ZNF717: variants seen among roughly 807,000 people sequenced by gnomAD.
The protein encoded by ZNF717 is zinc finger protein 717.
Under a neutral mutation model 13.8 loss-of-function variants are expected in ZNF717, and 9 were observed. That is an observed-to-expected ratio of 0.65 (90% CI 0.39 to 1.14). The LOEUF (loss-of-function observed/expected upper bound fraction) is 1.14. Ranked by LOEUF, ZNF717 falls within the 50% of genes most tolerant of loss-of-function variation. ZNF717 has a pLI of 0.01. For synonymous variants in ZNF717, 327 were observed against 364.1 expected (o/e 0.90, Z 1.16); for missense variants, 1,040 against 1,080.7 (o/e 0.96, Z 0.53).
chr3:75,754,116 T>C (rs6778366), intron 2 of ZNF717, among the ~76,000 whole-genome samples: 109,623 of 146,084 alleles, frequency 0.75, 39,011 homozygotes, highest in African/African-American at 0.88. Flanking sequence ...CACCAAATGT[T>C]CTGGCACTTT....
chr3:75,737,651 G>T lies in ZNF717; in HGVS notation c.1972C>A (p.Arg658Ser), dbSNP rs77826574. Residue 658 changes from arginine (R) to serine (S), a missense_variant, in exon 5 of 5, where the codon CGC (arginine) becomes AGC (serine). Arg to Ser is a moderately radical substitution (Grantham distance 110). Transcript: ENST00000652011. ...VCNECGKTFH[R>S]KSFLTIHQRT... ...TGGTGTATGGTGAGGAATGACTTGC[G>T]ATGAAAGGTTTTTCCACATTCATTA... 2 of 1,541,432 alleles carry T rather than the reference G, an allele frequency of 1.3e-6. No homozygotes were observed. The highest frequency in any genetic ancestry group is 2.5e-5 in the East Asian group (1 of 40,180).
Position 75,739,180 on chromosome 3 carries a change from T to G in ZNF717, c.443A>C (p.Asn148Thr). The change falls in exon 5 of 5, where the codon AAT becomes ACT. Residue 148 changes from asparagine (N) to threonine (T), a missense_variant. Asn to Thr is a moderately conservative substitution (Grantham distance 65). This residue lies in a region of ZNF717 where 123 missense variants were observed against 177.8 expected (regional missense o/e 0.69). Coordinates refer to ENST00000652011, the MANE Select transcript of ZNF717 (RefSeq NM_001290208.3). ...SNHVLNLIIN[N>T]GNSSGMKPGQ... The stretch of plus-strand genomic sequence containing the variant: ...AGGCTTCATTCCTGAACTGTTTCCA[T>G]TATTTATAATCAGATTTAAAACATG... The G allele has an allele frequency of 6.4e-7, 1 of 1,551,232 alleles. No individual in the cohort carries two copies.
chr3:75,743,263 A>ATACTG (rs1940706748), intron 2 of ZNF717, among the ~76,000 whole-genome samples: 1 of 152,238 alleles, frequency 6.6e-6, no homozygotes, highest in Admixed American at 6.5e-5. Context: ...AATGGCTGTT[A>ATACTG]TACTGTACTG....
intron 2 of ZNF717, among the ~76,000 whole-genome samples, chr3:75,756,676 TTTTTTC>T (rs1942513098): frequency 6.6e-6 from 1 of 152,068 alleles, no homozygotes; most frequent in Non-Finnish European, 1.5e-5. Context: ...TTTTCTTTTT[TTTTTTC>T]TGTTTTTTTG....
intron 2 of ZNF717, among the ~76,000 whole-genome samples, chr3:75,759,484 C>G (rs937618958): frequency 3.3e-4 from 50 of 152,278 alleles, no homozygotes; most frequent in African/African-American, 1.2e-3. Flanking sequence ...ACTGTGTTAG[C>G]CCGGATGGTC....
At chr3:75,732,232 T>C (rs1424432927), downstream of ZNF717, 12 of 666,942 alleles carry the variant, frequency 1.8e-5, no homozygotes, top group African/African-American at 2.0e-4. Context: ...TGCTCTCATA[T>C]AACCAGATCC....
intron 6 of ZNF717, among the ~76,000 whole-genome samples, chr3:75,699,495 A>C (rs1368606779): frequency 6.6e-6 from 1 of 152,306 alleles, no homozygotes; most frequent in Non-Finnish European, 1.5e-5. Context: ...CTTTGGTGCC[A>C]TTCCCACAAT....
chr3:75,772,798 G>T (rs76043795), intron 2 of ZNF717, among the ~76,000 whole-genome samples: 7 of 132,676 alleles, frequency 5.3e-5, no homozygotes, highest in Non-Finnish European at 1.0e-4. Flanking sequence ...GGTAAAGGCG[G>T]CACCAGCCAG....
chr3:75,705,104 T>C (rs1247630455), downstream of ZNF717, among the ~76,000 whole-genome samples: 1 of 151,414 alleles, frequency 6.6e-6, no homozygotes, highest in Non-Finnish European at 1.5e-5. Context: ...CATAAGGTCA[T>C]CTTTGATGAG....
chr3:75,740,881 T>C (rs1187663054), intron 4 of ZNF717, among the ~76,000 whole-genome samples: 1 of 152,100 alleles, frequency 6.6e-6, no homozygotes, highest in African/African-American at 2.4e-5. Flanking sequence ...AGAAACACCA[T>C]TTTCATCATC....
At chr3:75,772,249 C>A in intron 2 of ZNF717, among the ~76,000 whole-genome samples, 1 of 152,258 alleles carries the variant, frequency 6.6e-6, no homozygotes, top group Non-Finnish European at 1.5e-5. Context: ...AATAAAGCAC[C>A]TCTTCACCTT....
chr3:75,742,593 A>G (rs1238632961), intron 2 of ZNF717, among the ~76,000 whole-genome samples: 1 of 152,238 alleles, frequency 6.6e-6, no homozygotes, highest in Admixed American at 6.5e-5. Flanking sequence ...TCTACTCACA[A>G]AGGCAAAGAG....
chr3:75,708,102 G>C (rs9848531), downstream of ZNF717, among the ~76,000 whole-genome samples: 59,587 of 149,620 alleles, frequency 0.4, 11,262 homozygotes, highest in South Asian at 0.58. Context: ...GAAGAGAGCA[G>C]TGGTTCTCCC....
chr3:75,713,334 A>G (rs1937983350), intron 5 of ZNF717, among the ~76,000 whole-genome samples: 1 of 151,682 alleles, frequency 6.6e-6, no homozygotes, highest in Non-Finnish European at 1.5e-5. Flanking sequence ...TATTTTTTGT[A>G]GAGATGGGGT....
At chr3:75,712,049 A>G (rs1170628358) in intron 5 of ZNF717, among the ~76,000 whole-genome samples, 49 of 152,188 alleles carry the variant, frequency 3.2e-4, no homozygotes, top group Non-Finnish European at 5.2e-4. Flanking sequence ...ATTTTTCAGG[A>G]CATATATTTC....
downstream of ZNF717, among the ~76,000 whole-genome samples, chr3:75,733,218 C>G (rs796411193): frequency 6.6e-6 from 1 of 151,524 alleles, no homozygotes; most frequent in Non-Finnish European, 1.5e-5. Flanking sequence ...TGTGGGACAG[C>G]TAGAAAAGGT....
At chr3:75,702,560 G>A (rs796724363) in intron 6 of ZNF717, among the ~76,000 whole-genome samples, 3,534 of 151,400 alleles carry the variant, frequency 0.023, no homozygotes, top group South Asian at 0.056. Context: ...GTATTTGATA[G>A]CACAACAGGG....
At chr3:75,723,764 G>C (rs71315312) in intron 4 of ZNF717, among the ~76,000 whole-genome samples, 41,777 of 150,438 alleles carry the variant, frequency 0.28, 4,459 homozygotes, top group Non-Finnish European at 0.38. Context: ...TTGGTCTAGC[G>C]GTAGCTCTAG....
At chr3:75,714,432 G>A (rs1938007465) in intron 5 of ZNF717, among the ~76,000 whole-genome samples, 1 of 151,854 alleles carries the variant, frequency 6.6e-6, no homozygotes, top group Admixed American at 6.6e-5. Flanking sequence ...TTTTTCCTAG[G>A]TTATGATTAC....
Sources: gnomAD v4.1 joint callset for allele counts (sites outside exome capture counted in the v4.1 genomes callset) on GRCh38, gnomAD v4.1.1 for gene constraint, gnomAD v4.1.1 regional missense constraint, MANE v1.5 for transcripts, NCBI Gene and HGNC (gene_info 2026-07-23, HGNC 2026-07-21) for gene names.